Variants in SEMA3E observed in about 807,000 individuals in gnomAD.
The protein encoded by SEMA3E is semaphorin-3E.
In SEMA3E, 49 loss-of-function variants were observed where a neutral mutation model predicts 93.6. The observed-to-expected ratio is 0.52, with a 90% CI of 0.42 to 0.66. The LOEUF (loss-of-function observed/expected upper bound fraction) is 0.66. Ranked by LOEUF, SEMA3E falls within the 30% of genes least tolerant of loss-of-function variation. SEMA3E has a pLI of 0.00. For synonymous variants in SEMA3E, 363 were observed against 330.7 expected, an observed-to-expected ratio of 1.10 and a Z score of -1.06; for missense variants, 906 against 964.8, an observed-to-expected ratio of 0.94 and a Z score of 0.81.
chr7:83,599,664 C>T (rs945794483), intron 1 of SEMA3E, among the ~76,000 whole-genome samples: 1 of 152,020 alleles, frequency 6.6e-6, no homozygotes, highest in African/African-American at 2.4e-5. Flanking sequence ...TTCAGAAAAC[C>T]AGTTAATACT....
chr7:83,405,831 T>C, intron 8 of SEMA3E, 114 bp downstream of exon 8: 1 of 838,818 alleles, frequency 1.2e-6, no homozygotes, highest in South Asian at 1.5e-5. Flanking sequence ...AAACTTGCTC[T>C]ATGTTAGATA....
intron 16 of SEMA3E, among the ~76,000 whole-genome samples, chr7:83,381,727 T>C (rs1040004551): frequency 1.3e-5 from 2 of 151,996 alleles, no homozygotes; most frequent in Admixed American, 1.3e-4. Context: ...TAAAATTAGA[T>C]GGAGTACTCT....
intron 7 of SEMA3E, among the ~76,000 whole-genome samples, chr7:83,406,568 A>G (rs1361131395): frequency 1.9e-5 from 2 of 105,272 alleles, no homozygotes; most frequent in Non-Finnish European, 2.3e-5. Context: ...ATGTAAATTT[A>G]TTTTCGAACA....
chr7:83,384,776 C>T (rs942222827), intron 16 of SEMA3E, among the ~76,000 whole-genome samples: 6 of 152,022 alleles, frequency 3.9e-5, no homozygotes, highest in African/African-American at 7.2e-5. Context: ...TTCCTTTGTT[C>T]CCAGCGGTCA....
At chr7:83,610,643 C>T (rs961432912) in intron 1 of SEMA3E, among the ~76,000 whole-genome samples, 1 of 151,930 alleles carries the variant, frequency 6.6e-6, no homozygotes, top group Admixed American at 6.6e-5. Flanking sequence ...TGTTGAAGTC[C>T]TAAAGCCCAA....
intron 4 of SEMA3E, among the ~76,000 whole-genome samples, chr7:83,441,000 G>A (rs766029684): frequency 1.3e-5 from 2 of 152,076 alleles, no homozygotes; most frequent in Non-Finnish European, 2.9e-5. Flanking sequence ...AGTGTGCAAT[G>A]GTAAACCTGG....
At chr7:83,415,770 G>A (rs955886671) in intron 5 of SEMA3E, among the ~76,000 whole-genome samples, 2 of 151,956 alleles carry the variant, frequency 1.3e-5, no homozygotes, top group African/African-American at 4.8e-5. Context: ...TATGCTACCA[G>A]TTTCAGTGTT....
intron 2 of SEMA3E, among the ~76,000 whole-genome samples, chr7:83,478,989 A>G (rs1288807675): frequency 6.6e-6 from 1 of 151,992 alleles, no homozygotes; most frequent in Non-Finnish European, 1.5e-5. Context: ...TACAATTCTA[A>G]TTATTTATGC....
chr7:83,426,090 T>G (rs1451926408), intron 4 of SEMA3E, among the ~76,000 whole-genome samples: 1 of 152,196 alleles, frequency 6.6e-6, no homozygotes, highest in Non-Finnish European at 1.5e-5. Context: ...CTGGTGAGGT[T>G]GCAGAGAAAA....
intron 11 of SEMA3E, among the ~76,000 whole-genome samples, chr7:83,399,409 G>C (rs1788191839): frequency 6.6e-6 from 1 of 152,132 alleles, no homozygotes; most frequent in African/African-American, 2.4e-5. Context: ...GATATTATTG[G>C]TAACATTTGG....
At chr7:83,584,731 TAA>T (rs1338105197) in intron 1 of SEMA3E, among the ~76,000 whole-genome samples, 1 of 152,118 alleles carries the variant, frequency 6.6e-6, no homozygotes, top group Non-Finnish European at 1.5e-5. Context: ...AAAAATAGTG[TAA>T]GTGTAATCTT....
intron 1 of SEMA3E, among the ~76,000 whole-genome samples, chr7:83,624,838 T>C (rs1283901511): frequency 6.6e-6 from 1 of 152,238 alleles, no homozygotes; most frequent in East Asian, 1.9e-4. Flanking sequence ...GGTTTTCGCC[T>C]AGGGTTTTTA....
At chr7:83,491,218 C>T (rs886594283) in intron 1 of SEMA3E, among the ~76,000 whole-genome samples, 2 of 151,962 alleles carry the variant, frequency 1.3e-5, no homozygotes, top group Non-Finnish European at 2.9e-5. Context: ...AGCACTGTGC[C>T]CACTCTTACA....
chr7:83,500,548 T>C (rs1467176666), intron 1 of SEMA3E, among the ~76,000 whole-genome samples: 3 of 151,516 alleles, frequency 2.0e-5, no homozygotes, highest in African/African-American at 7.3e-5. Flanking sequence ...GCCCATATTT[T>C]ATAGGTATGA....
In SEMA3E at chr7:83,439,463, G is replaced by A. The variant is rs534719809; in HGVS notation, c.457-20980C>T. ...GCAAAGTCTTTCATGATCATCAGAG[G>A]AGTCTAGGCTAAGGGCTTTTTGGTT... On this transcript the variant is annotated intron_variant, in intron 4 of 16. Coordinates refer to ENST00000643230, the MANE Select transcript of SEMA3E (RefSeq NM_012431.3). Among the ~76,000 whole-genome samples the A allele has an allele frequency of 2.0e-5, 3 of 152,322 alleles. No homozygotes were observed. In the East Asian group the frequency reaches 5.8e-4, roughly 29 times the overall value.
At chr7:83,631,472 C>T (rs1793784463) in intron 1 of SEMA3E, among the ~76,000 whole-genome samples, 1 of 152,166 alleles carries the variant, frequency 6.6e-6, no homozygotes, top group Non-Finnish European at 1.5e-5. Flanking sequence ...AACAAAACGA[C>T]TTTATAAGAA....
Position 83,600,486 on chromosome 7 carries a change from A to ATTTTT in SEMA3E, c.115+47937_115+47941dup, listed in dbSNP as rs71522671. On this transcript the variant is annotated intron_variant, in intron 1 of 16. Coordinates refer to ENST00000643230, the MANE Select transcript of SEMA3E (RefSeq NM_012431.3). ...AGGCGCCCGCCACCACGCCCAGCTA[A>ATTTTT]TTTTTTTTTTTTTTTTTTTTTTTTT... 3.9e-3 allele frequency among the ~76,000 whole-genome samples: 245 copies of ATTTTT among 63,074 alleles called. 3 individuals are homozygous for ATTTTT. The highest frequency in any genetic ancestry group is 4.5e-3 in the Non-Finnish European group (153 of 33,834). 41.4% of individuals were successfully genotyped at this position (63,074 alleles called of 152,430 possible).
At chr7:83,383,749 T>C (rs1478239070) in intron 16 of SEMA3E, among the ~76,000 whole-genome samples, 2 of 151,928 alleles carry the variant, frequency 1.3e-5, no homozygotes, top group Non-Finnish European at 2.9e-5. Context: ...TTGGTAAAGA[T>C]TTCCAAATGA....
chr7:83,537,732 C>A (rs1312868513), intron 1 of SEMA3E, among the ~76,000 whole-genome samples: 5 of 152,114 alleles, frequency 3.3e-5, no homozygotes, highest in Non-Finnish European at 7.4e-5. Flanking sequence ...TTAAAGTGCA[C>A]AATTAAATAG....
Sources: gnomAD v4.1 joint callset for allele counts (sites outside exome capture counted in the v4.1 genomes callset) on GRCh38, gnomAD v4.1.1 for gene constraint, MANE v1.5 for transcripts, NCBI Gene and HGNC (gene_info 2026-07-23, HGNC 2026-07-21) for gene names.